The following SLC26A11 variants were observed in gnomAD, a reference collection of about 807,000 sequenced individuals.
SLC26A11 encodes the protein sodium-independent sulfate anion transporter.
A neutral mutation model predicts 62.2 loss-of-function variants in SLC26A11; 58 were observed. That is an observed-to-expected ratio of 0.93 (90% CI 0.76 to 1.16). The LOEUF is 1.16. SLC26A11 is among the 50% of genes most tolerant of loss of function. The probability of loss-of-function intolerance (pLI) is 0.00; values close to 1 mark genes in which losing one functional copy is unlikely to be tolerated. For synonymous variants in SLC26A11, 411 were observed against 368.9 expected, an observed-to-expected ratio of 1.11 and a Z score of -1.31; for missense variants, 790 against 794.3, an observed-to-expected ratio of 0.99 and a Z score of 0.06.
intron 7 of SLC26A11, among the ~76,000 whole-genome samples, chr17:80,233,848 G>T (rs1192043218): frequency 7.8e-6 from 1 of 128,336 alleles, no homozygotes. Context: ...CAAATGTTGG[G>T]ATTACAGGTG....
At position 80,246,649 on chromosome 17, in the gene SLC26A11, A is replaced by G; in HGVS notation, c.1294A>G (p.Arg432Gly). ...CTTCAGGACGCTCTGGCGTGTTAAG[A>G]GTACGTCCTTGTCCTACAGGGGAGA... Reference protein sequence around the residue: ...KIFRTLWRVKRLDLLPLCVTF... With the variant: ...KIFRTLWRVKGLDLLPLCVTF... Residue 432 changes from arginine to glycine, a missense_variant and splice_region_variant, in exon 13 of 18, where the codon AGG becomes GGG. By Grantham distance (125) the Arg-to-Gly change is moderately radical. Transcript: ENST00000361193. This position sits in a 1 kb window ranked among gnomAD's most constrained non-coding sequence, Gnocchi z 4.4. The G allele has an allele frequency of 6.2e-7, 1 of 1,613,416 alleles. No individual in the cohort carries two copies.
intron 6 of SLC26A11, among the ~76,000 whole-genome samples, chr17:80,227,269 C>A (rs1242591925): frequency 6.6e-6 from 1 of 152,220 alleles, no homozygotes; most frequent in Admixed American, 6.5e-5. Context: ...AAAGCCATCC[C>A]AGGCTGCACA....
chr17:80,244,974 CAAAAAAAAAA>C (rs34294039), intron 10 of SLC26A11, among the ~76,000 whole-genome samples: 2 of 67,726 alleles, frequency 3.0e-5, no homozygotes, highest in East Asian at 4.5e-4. Context: ...GACTCTGTCT[CAAAAAAAAAA>C]AAAAAAAAAA....
chr17:80,230,517 G>A (rs1567951000), intron 7 of SLC26A11, among the ~76,000 whole-genome samples: 1 of 152,108 alleles, frequency 6.6e-6, no homozygotes, highest in Non-Finnish European at 1.5e-5. Flanking sequence ...CTTGCAGTTG[G>A]AGGAATTTTG....
chr17:80,227,984 T>G (rs6565653), intron 7 of SLC26A11, 24 bp downstream of exon 7: 903,308 of 1,592,306 alleles, frequency 0.57, 264,480 homozygotes, highest in East Asian at 0.97. Flanking sequence ...GGCTGACATC[T>G]TATGCAACCT....
intron 7 of SLC26A11, chr17:80,236,673 T>C (rs1051036516): frequency 2.0e-5 from 9 of 450,428 alleles, no homozygotes; most frequent in Non-Finnish European, 3.2e-5. Flanking sequence ...CGGTGCACGA[T>C]GTCCAGTCAC....
chr17:80,220,435 G>T lies in SLC26A11; in HGVS notation c.-275G>T. The T allele has an allele frequency of 1.0e-6, 1 of 952,948 alleles. No homozygotes were observed. Among genetic ancestry groups the T allele is most frequent in the Non-Finnish European group, 1.4e-6 (1 of 701,832 alleles). The allele number at this position is 952,948 out of a possible 1,614,324, so 59.0% of individuals were successfully genotyped here. On this transcript the variant is annotated 5_prime_UTR_variant, in exon 1 of 18. Transcript: ENST00000361193. ...CCAGACCCCGCCCCGGCCTGTCCCC[G>T]GCGATTCCTGCGGACCCAGCTGCGG...
Position 80,221,759 on chromosome 17 carries a change from C to T in SLC26A11, c.199C>T (p.Leu67=). Residue 67 remains leucine (L), a synonymous_variant, in exon 3 of 18, where the codon CTG becomes TTG. Coordinates refer to ENST00000361193, the MANE Select transcript of SLC26A11 (RefSeq NM_001166347.2). ...SVGLTAIPQA[L]AYAEVAGLPP... ...TGGCCTCACTGCCATTCCCCAGGCG[C>T]TGGCCTATGCTGAAGTGGCTGGACT... 5.6e-6 allele frequency: 9 copies of T among 1,613,056 alleles called. No homozygotes were observed. The highest frequency in any genetic ancestry group is 7.6e-6 in the Non-Finnish European group (9 of 1,180,022).
At chr17:80,234,349 G>A (rs1408944229) in intron 7 of SLC26A11, among the ~76,000 whole-genome samples, 1 of 152,156 alleles carries the variant, frequency 6.6e-6, no homozygotes, top group East Asian at 1.9e-4. Flanking sequence ...GGCCCACTTC[G>A]TTTCAAGAAG....
chr17:80,226,674 C>T (rs1454502706), intron 6 of SLC26A11, among the ~76,000 whole-genome samples: 1 of 152,154 alleles, frequency 6.6e-6, no homozygotes, highest in Non-Finnish European at 1.5e-5. Context: ...GCACTCCAGC[C>T]CGGGTGATAG....
chr17:80,229,710 G>A (rs145439325), intron 7 of SLC26A11, among the ~76,000 whole-genome samples: 2 of 152,104 alleles, frequency 1.3e-5, no homozygotes, highest in African/African-American at 4.8e-5. Flanking sequence ...GATTATAGGC[G>A]TGAGCCACTG....
intron 7 of SLC26A11, among the ~76,000 whole-genome samples, chr17:80,229,925 CG>C (rs1448394937): frequency 1.3e-5 from 2 of 151,104 alleles, no homozygotes; most frequent in Admixed American, 6.6e-5. Context: ...GTTTGGAAGC[CG>C]GGCATGGTGG....
Position 80,246,354 on chromosome 17 carries a change from G to A in SLC26A11, c.1153+145G>A, listed in dbSNP as rs1222924370. 2.1e-6 allele frequency: 3 copies of A among 1,399,974 alleles called. No homozygotes were observed. Among genetic ancestry groups the A allele is most frequent in the African/African-American group, 1.4e-5 (1 of 70,460 alleles). The allele number at this position is 1,399,974 out of a possible 1,614,324, so 86.7% of individuals were successfully genotyped here. ...TTGGGGGGCCACACAGGAGTAGGGG[G>A]ACCACAGGAGACTGAGCAGGGGCTG... On this transcript the variant is annotated intron_variant, in intron 12 of 17. Coordinates refer to ENST00000361193, the MANE Select transcript of SLC26A11 (RefSeq NM_001166347.2). This position sits in a 1 kb window ranked among gnomAD's most constrained non-coding sequence, Gnocchi z 4.4.
rs2042456096 is a variant in SLC26A11, at chr17:80,227,932, C to G, written c.708C>G (p.Ser236Arg). Residue 236 changes from serine (S) to arginine (R), a missense_variant, in exon 7 of 18, where the codon AGC becomes AGG. Physicochemically the swap from Ser to Arg is moderately radical, Grantham distance 110. Transcript: ENST00000361193. ...HPEMPPGVRLSRGLVWAATTA... is the reference protein window; with the variant it reads ...HPEMPPGVRLRRGLVWAATTA... The stretch of plus-strand genomic sequence containing the variant: ...AGATGCCCCCTGGTGTGCGGCTCAG[C>G]CGTGGGCTGGTCTGGGCTGCCACGA... The G allele has an allele frequency of 1.2e-6, 2 of 1,600,656 alleles. No homozygotes were observed. Among genetic ancestry groups the G allele is most frequent in the African/African-American group, 2.7e-5 (2 of 74,852 alleles).
chr17:80,222,580 G>A lies in SLC26A11; in HGVS notation c.235-75G>A. On this transcript the variant is annotated intron_variant, in intron 3 of 17. Transcript: ENST00000361193. The surrounding 1 kb of genome is among the most constrained non-coding windows in gnomAD (Gnocchi z 4.7). ...CACAGCTGACACCCACACATCCCGAGCTTGGACACGCACACTAGGGAGCTG... is the reference window on the plus strand; with the variant it reads ...CACAGCTGACACCCACACATCCCGAACTTGGACACGCACACTAGGGAGCTG... 1 of 1,463,400 alleles carries A rather than the reference G, an allele frequency of 6.8e-7. No homozygotes were observed. Among genetic ancestry groups the A allele is most frequent in the Non-Finnish European group, 9.4e-7 (1 of 1,060,676 alleles). The allele number at this position is 1,463,400 out of a possible 1,614,324, so 90.7% of individuals were successfully genotyped here. A position where few individuals can be genotyped will look rare whatever the true frequency, so the allele number is the denominator to read the frequency against.
chr17:80,232,016 G>A (rs540956191), intron 7 of SLC26A11, among the ~76,000 whole-genome samples: 17 of 152,270 alleles, frequency 1.1e-4, no homozygotes, highest in African/African-American at 3.4e-4. Flanking sequence ...ATTATTAAAA[G>A]AAGAATGTTG....
chr17:80,243,081 T>G (rs1171298490), intron 10 of SLC26A11, among the ~76,000 whole-genome samples: 7 of 152,194 alleles, frequency 4.6e-5, no homozygotes, highest in Non-Finnish European at 2.9e-5. Context: ...TTCTCGCCCC[T>G]CATGAGACTG....
chr17:80,234,605 A>G (rs2042644505), intron 7 of SLC26A11, among the ~76,000 whole-genome samples: 1 of 152,060 alleles, frequency 6.6e-6, no homozygotes, highest in Non-Finnish European at 1.5e-5. Context: ...CTGTCCCCCT[A>G]TGCGATTCCA....
At chr17:80,220,870 G>C (rs2042144096) in intron 1 of SLC26A11, 46 bp from the exon 2 acceptor site, 2 of 153,286 alleles carry the variant, frequency 1.3e-5, no homozygotes, top group Non-Finnish European at 2.9e-5. Flanking sequence ...GGCCCTGGAA[G>C]ATGCTGCGCA....
Sources: gnomAD v4.1 joint callset for allele counts (sites outside exome capture counted in the v4.1 genomes callset) on GRCh38, gnomAD v4.1.1 for gene constraint, Gnocchi (gnomAD v3.1) non-coding constraint, MANE v1.5 for transcripts, NCBI Gene and HGNC (gene_info 2026-07-23, HGNC 2026-07-21) for gene names.